ZNF107: variants seen among roughly 807,000 people sequenced by gnomAD.
The protein encoded by ZNF107 is C2H2 type zinc-finger protein.
In ZNF107, 19 loss-of-function variants were observed where a neutral mutation model predicts 12.3. The ratio of observed to expected loss-of-function variants is 1.55; its 90% CI spans 1.08 to 2.27. The LOEUF (loss-of-function observed/expected upper bound fraction) is 2.27, where lower values mean the gene tolerates loss of function less well. Ranked by LOEUF, ZNF107 falls within the 30% of genes most tolerant of loss-of-function variation. The pLI, the probability that ZNF107 is intolerant of heterozygous loss-of-function variation, is 0.00. For missense variants in ZNF107, 958 were observed against 979.9 expected, an observed-to-expected ratio of 0.98 and a Z score of 0.30; for synonymous variants, 317 against 330.5, an observed-to-expected ratio of 0.96 and a Z score of 0.44.
chr7:64,687,029 T>C (rs748280785), intron 1 of ZNF107: 196 of 985,338 alleles, frequency 2.0e-4, no homozygotes, highest in Non-Finnish European at 2.3e-4. Flanking sequence ...TACAGAGAAA[T>C]GTGTTTTAGG....
Position 64,691,338 on chromosome 7 carries a change from G to T in ZNF107, c.94G>T (p.Val32Leu). The change falls in exon 2 of 4, where the codon GTG becomes TTG. Residue 32 changes from valine (V) to leucine (L), a missense_variant. Coordinates refer to ENST00000620827, the MANE Select transcript of ZNF107 (RefSeq NM_001282359.2). ...DTAQRDLYRN[V>L]LLENYRNLVF... ...TGCACAGCGGGATTTATATAGGAAT[G>T]TGTTGTTAGAGAACTACAGAAACCT... The T allele has an allele frequency of 6.5e-7, 1 of 1,532,322 alleles. No individual in the cohort carries two copies. Among genetic ancestry groups the T allele is most frequent in the Non-Finnish European group, 8.8e-7 (1 of 1,142,224 alleles). 94.9% of individuals were successfully genotyped at this position (1,532,322 alleles called of 1,614,324 possible).
At chr7:64,698,275 AGTTTT>A (rs77895568) in intron 3 of ZNF107, among the ~76,000 whole-genome samples, 8,009 of 152,156 alleles carry the variant, frequency 0.053, 280 homozygotes, top group East Asian at 0.15. Context: ...TTTATTGTTC[AGTTTT>A]AAGAGTTGTT....
intron 3 of ZNF107, among the ~76,000 whole-genome samples, chr7:64,699,833 C>A (rs1022457397): frequency 6.6e-6 from 1 of 152,084 alleles, no homozygotes; most frequent in African/African-American, 2.4e-5. Flanking sequence ...CTTTGGGAGG[C>A]CGAGGCGGGC....
chr7:64,677,419 G>A (rs1156925778), intron 1 of ZNF107, among the ~76,000 whole-genome samples: 8 of 151,346 alleles, frequency 5.3e-5, no homozygotes, highest in South Asian at 4.2e-4. Context: ...TGATCCACCC[G>A]CCTTGGCCTC....
chr7:64,675,721 T>C (rs1789392253), intron 1 of ZNF107, among the ~76,000 whole-genome samples: 1 of 152,220 alleles, frequency 6.6e-6, no homozygotes, highest in African/African-American at 2.4e-5. Flanking sequence ...AACTTTTTAA[T>C]GTGAACATTT....
chr7:64,675,991 A>G (rs963997980), intron 1 of ZNF107, among the ~76,000 whole-genome samples: 2 of 152,138 alleles, frequency 1.3e-5, no homozygotes, highest in Non-Finnish European at 2.9e-5. Context: ...AGCTGGGATT[A>G]CAGGCATGCA....
intron 1 of ZNF107, among the ~76,000 whole-genome samples, chr7:64,684,094 T>C (rs937861558): frequency 6.6e-6 from 1 of 152,110 alleles, no homozygotes; most frequent in Non-Finnish European, 1.5e-5. Flanking sequence ...CAGGAAAGGT[T>C]GAAAGAGCCA....
chr7:64,682,552 C>T (rs1789725802), intron 1 of ZNF107, among the ~76,000 whole-genome samples: 2 of 152,152 alleles, frequency 1.3e-5, no homozygotes, highest in Admixed American at 6.5e-5. Flanking sequence ...CTCTACATGG[C>T]AGAGGTAAAG....
intron 1 of ZNF107, among the ~76,000 whole-genome samples, chr7:64,672,011 C>T (rs1789248811): frequency 6.6e-6 from 1 of 151,876 alleles, no homozygotes; most frequent in African/African-American, 2.4e-5. Context: ...TGGTCTCGAT[C>T]TCCTGACCTT....
At position 64,671,810 on chromosome 7, in the gene ZNF107, C is replaced by G. The variant is rs570686714; in HGVS notation, c.3+5525C>G. Among the ~76,000 whole-genome samples, 3 of 125,570 alleles carry G rather than the reference C, an allele frequency of 2.4e-5. No homozygotes were observed. In the South Asian group the frequency reaches 7.4e-4, roughly 31 times the overall value. 82.4% of individuals were successfully genotyped at this position (125,570 alleles called of 152,430 possible). A position where few individuals can be genotyped will look rare whatever the true frequency, so the allele number is the denominator to read the frequency against. ...TTTTTTTTTTTTTTTGAGGCAGAGTCTCGCTCTGTTGCCCAGGCTGGAGTG... is the reference window on the plus strand; with the variant it reads ...TTTTTTTTTTTTTTTGAGGCAGAGTGTCGCTCTGTTGCCCAGGCTGGAGTG... On this transcript the variant is annotated intron_variant, in intron 1 of 3. Transcript: ENST00000620827.
At chr7:64,686,562 T>C (rs2128961329) in intron 1 of ZNF107, 2 of 985,432 alleles carry the variant, frequency 2.0e-6, no homozygotes, top group Non-Finnish European at 2.4e-6. Context: ...GACAGGAATG[T>C]CATATCCCAC....
At chr7:64,681,218 G>A (rs891252851) in intron 1 of ZNF107, among the ~76,000 whole-genome samples, 3 of 152,014 alleles carry the variant, frequency 2.0e-5, no homozygotes, top group Admixed American at 1.3e-4. Flanking sequence ...CTCTTAAGGT[G>A]GAGGGTAAGT....
intron 3 of ZNF107, among the ~76,000 whole-genome samples, chr7:64,705,745 A>G (rs1390838693): frequency 7.0e-6 from 1 of 142,704 alleles, no homozygotes; most frequent in African/African-American, 2.6e-5. Flanking sequence ...TTTCTTCTTG[A>G]TAGTCGGTAA....
At chr7:64,697,858 AT>A (rs1321020159) in intron 3 of ZNF107, among the ~76,000 whole-genome samples, 1 of 151,724 alleles carries the variant, frequency 6.6e-6, no homozygotes, top group Non-Finnish European at 1.5e-5. Context: ...CGCCCGGCTA[AT>A]TTTTTGTATT....
intron 1 of ZNF107, among the ~76,000 whole-genome samples, chr7:64,668,387 A>G (rs1201040404): frequency 1.5e-5 from 2 of 135,280 alleles, no homozygotes; most frequent in East Asian, 4.3e-4. Flanking sequence ...ATTCCCACCT[A>G]TAAGTGAGAA....
chr7:64,696,635 A>G (rs977848740), intron 3 of ZNF107, among the ~76,000 whole-genome samples: 1 of 152,106 alleles, frequency 6.6e-6, no homozygotes, highest in African/African-American at 2.4e-5. Flanking sequence ...ACAACTGCCC[A>G]TTTTACCCCT....
chr7:64,693,314 G>GTTTT (rs376161398), intron 3 of ZNF107, among the ~76,000 whole-genome samples: 1 of 134,968 alleles, frequency 7.4e-6, no homozygotes, highest in Non-Finnish European at 1.6e-5. Flanking sequence ...CGCCTGGCCA[G>GTTTT]TTTTTTTTTT....
chr7:64,682,866 A>G (rs1225785397), intron 1 of ZNF107, among the ~76,000 whole-genome samples: 3 of 152,132 alleles, frequency 2.0e-5, no homozygotes, highest in African/African-American at 7.2e-5. Context: ...ACCCAGTTTC[A>G]ACCCAGCCTT....
At position 64,691,294 on chromosome 7, in the gene ZNF107, A is replaced by G. The variant is rs1407680756; in HGVS notation, c.50A>G (p.Glu17Gly). The G allele has an allele frequency of 7.1e-6, 11 of 1,556,938 alleles. No homozygotes were observed. Among genetic ancestry groups the G allele is most frequent in the Non-Finnish European group, 9.5e-6 (11 of 1,153,606 alleles). Residue 17 changes from glutamate (E) to glycine (G), a missense_variant, in exon 2 of 4, where the codon GAG becomes GGG. Glu to Gly is a moderately conservative substitution (Grantham distance 98). Transcript: ENST00000620827. Reference sequence around the variant, plus strand: ...GTCGCCATAGAATTCTCTCTGGAGGAGTGGCAATGCCTGGATACTGCACAG... The same window carrying G: ...GTCGCCATAGAATTCTCTCTGGAGGGGTGGCAATGCCTGGATACTGCACAG... ...KDVAIEFSLE[E>G]WQCLDTAQRD...
Sources: allele counts gnomAD v4.1 joint callset (sites outside exome capture counted in the v4.1 genomes callset), GRCh38; gene constraint gnomAD v4.1.1; transcripts MANE v1.5; gene names NCBI Gene and HGNC (gene_info 2026-07-23, HGNC 2026-07-21).